Variants in AEBP2 observed in about 807,000 individuals in gnomAD.
AEBP2 encodes zinc finger protein AEBP2.
In AEBP2, 10 loss-of-function variants were observed where a neutral mutation model predicts 50.8. The observed-to-expected ratio is 0.20, with a 90% confidence interval of 0.12 to 0.33. The LOEUF (loss-of-function observed/expected upper bound fraction) is 0.33, where lower values mean the gene tolerates loss of function less well. Among genes scored for constraint, AEBP2 ranks in the 10% least tolerant of loss-of-function variants. AEBP2 has a pLI of 1.00. For missense variants in AEBP2, 570 were observed against 688.0 expected, an observed-to-expected ratio of 0.83 and a Z score of 1.92; for synonymous variants, 296 against 261.3, an observed-to-expected ratio of 1.13 and a Z score of -1.28.
chr12:19,518,374 C>T lies in AEBP2; in HGVS notation c.*257C>T. On this transcript the variant is annotated 3_prime_UTR_variant, in exon 8 of 8. Transcript: ENST00000266508. ...ATGGTACTGTGGGAGACTGAGCAAA[C>T]ACTCTTTTGGCAACTTAGTAGAACA... 1 of 1,228,976 alleles carries T rather than the reference C, an allele frequency of 8.1e-7. No homozygotes were observed. Among genetic ancestry groups the T allele is most frequent in the Non-Finnish European group, 1.0e-6 (1 of 984,536 alleles). The allele number at this position is 1,228,976 out of a possible 1,614,324, so 76.1% of individuals were successfully genotyped here.
intron 1 of AEBP2, among the ~76,000 whole-genome samples, chr12:19,408,087 G>A (rs2095737293): frequency 6.6e-6 from 1 of 151,270 alleles, no homozygotes; most frequent in Non-Finnish European, 1.5e-5. Flanking sequence ...TAAGGAAGAT[G>A]TTTCTGTTAA....
intron 1 of AEBP2, among the ~76,000 whole-genome samples, chr12:19,427,099 T>C (rs1387721426): frequency 6.6e-6 from 1 of 151,582 alleles, no homozygotes; most frequent in Admixed American, 6.6e-5. Flanking sequence ...CAGAGGAAGG[T>C]CGGGCACGGT....
At position 19,456,464 on chromosome 12, in the gene AEBP2, G is replaced by A. The variant is rs1948271556; in HGVS notation, c.672-6046G>A. On this transcript the variant is annotated intron_variant, in intron 1 of 7. Transcript: ENST00000266508. ...CATCACCAGAGTTCAAGAAGTTAGG[G>A]CCATCTTCCAGCTTTTTACCAACAT... is the stretch of plus-strand genomic sequence containing the variant. 2.7e-6 allele frequency: 4 copies of A among 1,458,298 alleles called. No homozygotes were observed. In the South Asian group the frequency reaches 3.4e-5, roughly 13 times the overall value. 90.3% of individuals were successfully genotyped at this position (1,458,298 alleles called of 1,614,324 possible).
In AEBP2 at chr12:19,518,732, A is replaced by G. The variant is rs1464043728; in HGVS notation, c.*615A>G. 2.0e-6 allele frequency: 3 copies of G among 1,486,762 alleles called. No homozygotes were observed. 92.1% of individuals were successfully genotyped at this position (1,486,762 alleles called of 1,614,324 possible). On this transcript the variant is annotated 3_prime_UTR_variant, in exon 8 of 8. Transcript: ENST00000266508. ...TAAGCAAACAGTGAACGACGTTTGC[A>G]ATCAACTAAAAATTCGTCTATCGAA...
chr12:19,483,880 G>T (rs559064330), intron 3 of AEBP2, among the ~76,000 whole-genome samples: 1 of 152,280 alleles, frequency 6.6e-6, no homozygotes, highest in South Asian at 2.1e-4. Context: ...TGATGTGAGT[G>T]GGTGGATCAA....
At chr12:19,489,818 C>T (rs1046168004) in intron 3 of AEBP2, among the ~76,000 whole-genome samples, 13 of 148,922 alleles carry the variant, frequency 8.7e-5, no homozygotes, top group African/African-American at 3.2e-4. Context: ...ATGTGTGATT[C>T]TATTATATTT....
chr12:19,463,872 G>C (rs1470301494), intron 2 of AEBP2, among the ~76,000 whole-genome samples: 1 of 151,882 alleles, frequency 6.6e-6, no homozygotes, highest in Non-Finnish European at 1.5e-5. Context: ...TGCCATGTTG[G>C]CCAGGCTGGT....
At chr12:19,427,241 T>A (rs2095749010) in intron 1 of AEBP2, among the ~76,000 whole-genome samples, 3 of 151,674 alleles carry the variant, frequency 2.0e-5, no homozygotes. Context: ...GCCAGGTGTG[T>A]TGGCATGTGC....
In AEBP2 at chr12:19,518,118, AAAAT is replaced by A. The variant is rs936119968; in HGVS notation, c.*11_*14del. The A allele has an allele frequency of 6.5e-5, 104 of 1,596,984 alleles. No homozygotes were observed. Among genetic ancestry groups the A allele is most frequent in the Non-Finnish European group, 8.4e-5 (98 of 1,171,370 alleles). ...GCCGCAGAAGAGGTTGAAGAGGTAA[AAAAT>A]AAATAAATACATAAAAAGCAAACAA... is the stretch of plus-strand genomic sequence containing the variant. On this transcript the variant is annotated 3_prime_UTR_variant, in exon 8 of 8. Coordinates refer to ENST00000266508, the MANE Select transcript of AEBP2 (RefSeq NM_153207.5).
intron 3 of AEBP2, among the ~76,000 whole-genome samples, chr12:19,482,221 G>T (rs748543754): frequency 1.4e-4 from 21 of 152,150 alleles, no homozygotes; most frequent in Non-Finnish European, 2.6e-4. Context: ...CTCTGGGATG[G>T]TGCTGGGGAA....
chr12:19,503,377 T>C (rs949535612), intron 5 of AEBP2, among the ~76,000 whole-genome samples: 6 of 151,878 alleles, frequency 4.0e-5, no homozygotes, highest in Non-Finnish European at 7.4e-5. Flanking sequence ...GTGAATGGAA[T>C]TGCATTCTTG....
intron 2 of AEBP2, among the ~76,000 whole-genome samples, chr12:19,467,901 A>AT (rs1785513726): frequency 6.6e-6 from 1 of 151,806 alleles, no homozygotes; most frequent in East Asian, 1.9e-4. Flanking sequence ...AAGCGAGGAG[A>AT]TTGTGGGCAA....
chr12:19,514,661 T>G lies in AEBP2; in HGVS notation c.1368-10T>G. 1 of 1,572,526 alleles carries G rather than the reference T, an allele frequency of 6.4e-7. No individual in the cohort carries two copies. The highest frequency in any genetic ancestry group is 8.6e-7 in the Non-Finnish European group (1 of 1,156,692). On this transcript the variant is annotated splice_polypyrimidine_tract_variant and intron_variant, in intron 6 of 7. Transcript: ENST00000266508. ...GTTACTTTATTATTGACTTGTTTTT[T>G]AATTCATAGTCTGCCTGATGTGTGG...
At position 19,440,043 on chromosome 12, in the gene AEBP2, G is replaced by T. The variant is rs1461084958; in HGVS notation, c.344G>T (p.Gly115Val). ...GAAGATGAGAGCAGCAGCAGCGGCG[G>T]GGGTGAGGAGGAGAGTAGCGCCGAG... ...EEEDESSSSG[G>V]GEEESSAESL... Residue 115 changes from glycine to valine, a missense_variant, in exon 1 of 8, where the codon GGG (glycine) becomes GTG (valine). Coordinates refer to ENST00000266508, the MANE Select transcript of AEBP2 (RefSeq NM_153207.5). 2.0e-6 allele frequency: 3 copies of T among 1,523,364 alleles called. No homozygotes were observed. The highest frequency in any genetic ancestry group is 2.8e-5 in the African/African-American group (2 of 70,634). 94.4% of individuals were successfully genotyped at this position (1,523,364 alleles called of 1,614,324 possible).
chr12:19,439,372 G>C (rs1270778472), upstream of AEBP2, among the ~76,000 whole-genome samples: 5 of 147,682 alleles, frequency 3.4e-5, no homozygotes, highest in East Asian at 8.1e-4. Flanking sequence ...AGCACTTGCA[G>C]GCGCCGGGGC....
intron 1 of AEBP2, among the ~76,000 whole-genome samples, chr12:19,421,418 T>C (rs911968715): frequency 5.5e-5 from 8 of 146,510 alleles, no homozygotes; most frequent in Non-Finnish European, 1.0e-4. Context: ...TTTGGCAGGC[T>C]GAGGTGGGTG....
intron 2 of AEBP2, among the ~76,000 whole-genome samples, chr12:19,466,398 G>A (rs1217605650): frequency 5.3e-5 from 8 of 152,218 alleles, no homozygotes; most frequent in Non-Finnish European, 1.0e-4. Flanking sequence ...TGAGGCTGCT[G>A]TGAGATCGTG....
At chr12:19,427,134 T>C (rs2095748942) in intron 1 of AEBP2, among the ~76,000 whole-genome samples, 1 of 151,820 alleles carries the variant, frequency 6.6e-6, no homozygotes, top group Non-Finnish European at 1.5e-5. Context: ...GTAATCCCTT[T>C]GGGAGGCTGA....
At chr12:19,501,395 G>A (rs1366977553) in intron 5 of AEBP2, among the ~76,000 whole-genome samples, 1 of 151,882 alleles carries the variant, frequency 6.6e-6, no homozygotes, top group Non-Finnish European at 1.5e-5. Context: ...AGTACTTTGG[G>A]AGGCCAAGGC....
Sources: allele counts gnomAD v4.1 joint callset (sites outside exome capture counted in the v4.1 genomes callset), GRCh38; gene constraint gnomAD v4.1.1; transcripts MANE v1.5; gene names NCBI Gene and HGNC (gene_info 2026-07-23, HGNC 2026-07-21).